Variants in AKAP8 observed in about 807,000 individuals in gnomAD.
AKAP8 encodes A-kinase anchoring protein 8, also known as A-kinase anchor protein 8.
A neutral mutation model predicts 67.5 loss-of-function variants in AKAP8; 24 were observed. The observed-to-expected ratio is 0.36, with a 90% CI of 0.26 to 0.50. The LOEUF is 0.50. Ranked by LOEUF, AKAP8 falls within the 20% of genes least tolerant of loss-of-function variation. The pLI is 0.97. For missense variants in AKAP8, 971 were observed against 955.9 expected, an observed-to-expected ratio of 1.02 and a Z score of -0.21; for synonymous variants, 400 against 371.1, an observed-to-expected ratio of 1.08 and a Z score of -0.90.
intron 9 of AKAP8, among the ~76,000 whole-genome samples, chr19:15,365,391 C>T (rs966897376): frequency 2.0e-5 from 3 of 152,242 alleles, no homozygotes; most frequent in African/African-American, 7.2e-5. Flanking sequence ...AATGCAACCA[C>T]GCTGCATGGC....
chr19:15,358,441 G>A (rs1966913637), intron 13 of AKAP8, among the ~76,000 whole-genome samples: 1 of 151,092 alleles, frequency 6.6e-6, no homozygotes, highest in Admixed American at 6.6e-5. Flanking sequence ...TCTAACTCCT[G>A]AGCTCAGGGA....
intron 9 of AKAP8, among the ~76,000 whole-genome samples, chr19:15,367,420 C>T (rs765053374): frequency 1.3e-5 from 2 of 152,052 alleles, no homozygotes; most frequent in Non-Finnish European, 2.9e-5. Flanking sequence ...CCCAGCTACT[C>T]GGGAGGCTGA....
chr19:15,377,127 G>A (rs1011976688), intron 1 of AKAP8, 113 bp from the exon 2 acceptor site: 3 of 1,232,304 alleles, frequency 2.4e-6, no homozygotes, highest in African/African-American at 3.0e-5. Context: ...TTAGAAGAAG[G>A]AAGACTCCCC....
At chr19:15,358,912 G>C in intron 13 of AKAP8, 55 bp downstream of exon 13, 3 of 1,514,936 alleles carry the variant, frequency 2.0e-6, no homozygotes, top group Non-Finnish European at 2.8e-6. Context: ...CTGCTCCTGG[G>C]GTTCATCTTC....
chr19:15,357,929 C>G (rs941184333), intron 13 of AKAP8, among the ~76,000 whole-genome samples: 1 of 151,864 alleles, frequency 6.6e-6, no homozygotes, highest in African/African-American at 2.4e-5. Context: ...GTGATCCGCC[C>G]ACCCCAGCCT....
chr19:15,355,948 C>A (rs1000143922), intron 13 of AKAP8, among the ~76,000 whole-genome samples: 7 of 152,032 alleles, frequency 4.6e-5, no homozygotes, highest in African/African-American at 1.7e-4. Flanking sequence ...GTTGGGCAGA[C>A]TGGTCTGGAA....
chr19:15,373,867 T>C lies in AKAP8; in HGVS notation c.290A>G (p.Asn97Ser), dbSNP rs755415548. Residue 97 changes from asparagine to serine, a missense_variant, in exon 4 of 14, where the codon AAC (asparagine) becomes AGC (serine). Physicochemically the swap from Asn to Ser is conservative, Grantham distance 46. Around this residue, in one of 3 missense-constraint regions of AKAP8, gnomAD observed 763 missense variants for 745.4 expected, o/e 1.02. Transcript: ENST00000269701. Reference protein sequence around the residue: ...DNSDSLIAKINQRLDMMSKEG... With the variant: ...DNSDSLIAKISQRLDMMSKEG... ...CTTGGACATCATGTCCAAACGCTGG[T>C]TGATCTTGGCAATGAGGGAGTCGGA... 1.9e-6 allele frequency: 3 copies of C among 1,613,012 alleles called. No individual in the cohort carries two copies. The highest frequency in any genetic ancestry group is 1.7e-5 in the Admixed American group (1 of 60,002).
chr19:15,368,761 C>T (rs1181944864), intron 8 of AKAP8: 4 of 985,256 alleles, frequency 4.1e-6, no homozygotes, highest in Non-Finnish European at 4.8e-6. Flanking sequence ...CTCTATCCCA[C>T]CTCTAGGTGG....
intron 9 of AKAP8, among the ~76,000 whole-genome samples, 174 bp downstream of exon 9, chr19:15,368,061 G>A (rs571247678): frequency 1.3e-5 from 2 of 152,348 alleles, no homozygotes; most frequent in South Asian, 2.1e-4. Flanking sequence ...CTGGGAGCAC[G>A]AGTGATGGTC....
intron 6 of AKAP8, 23 bp from the exon 7 acceptor site, chr19:15,372,021 A>G (rs775568993): frequency 6.2e-7 from 1 of 1,613,950 alleles, no homozygotes; most frequent in Admixed American, 1.7e-5. Flanking sequence ...AAGAAAGGAA[A>G]AGTCAGTCCC....
At chr19:15,375,935 G>C (rs1186941237) in intron 2 of AKAP8, among the ~76,000 whole-genome samples, 1 of 151,096 alleles carries the variant, frequency 6.6e-6, no homozygotes, top group Non-Finnish European at 1.5e-5. Flanking sequence ...ACCGTGCCTG[G>C]CCTTTTTTTT....
At chr19:15,355,741 A>AT (rs796116999) in intron 13 of AKAP8, among the ~76,000 whole-genome samples, 1,809 of 142,688 alleles carry the variant, frequency 0.013, 27 homozygotes, top group African/African-American at 0.038. Context: ...CCATTCTGCA[A>AT]TTTTTTTTTT....
Position 15,375,380 on chromosome 19 carries a change from C to T in AKAP8, c.59-745G>A, listed in dbSNP as rs138391360. Among the ~76,000 whole-genome samples the T allele has an allele frequency of 2.1e-4, 32 of 152,278 alleles. No homozygotes were observed. In the East Asian group the frequency reaches 3.9e-3, roughly 18 times the overall value. Reference sequence around the variant, plus strand: ...GAATTTCGGTGCCCATAAATAAGTACCAGCACACTGCCCGTAGCCCTGTGC... The same window carrying T: ...GAATTTCGGTGCCCATAAATAAGTATCAGCACACTGCCCGTAGCCCTGTGC... On this transcript the variant is annotated intron_variant, in intron 2 of 13. Transcript: ENST00000269701.
At chr19:15,361,597 C>T in intron 11 of AKAP8, 132 bp downstream of exon 11, 1 of 706,498 alleles carries the variant, frequency 1.4e-6, no homozygotes, top group South Asian at 1.6e-5. Context: ...CATGATCCGC[C>T]TGCCTCAGCC....
chr19:15,358,613 A>G lies in AKAP8; in HGVS notation c.1623+354T>C, dbSNP rs112326386. 1.4e-4 allele frequency among the ~76,000 whole-genome samples: 21 copies of G among 152,262 alleles called. No homozygotes were observed. In the South Asian group the frequency reaches 3.9e-3, roughly 29 times the overall value. ...CTGTAGCCTCAAATTCCTGGGCTCA[A>G]GCAATCCTCCCATCCCAGCTTCCCG... On this transcript the variant is annotated intron_variant, in intron 13 of 13. Coordinates refer to ENST00000269701, the MANE Select transcript of AKAP8 (RefSeq NM_005858.4).
intron 7 of AKAP8, among the ~76,000 whole-genome samples, chr19:15,371,260 G>A (rs1034224789): frequency 1.3e-5 from 2 of 152,034 alleles, no homozygotes; most frequent in Non-Finnish European, 2.9e-5. Flanking sequence ...CAAGAGCTTG[G>A]GGTGGTCCCG....
chr19:15,368,779 C>G lies in AKAP8; in HGVS notation c.1073-457G>C, dbSNP rs528795457. The G allele has an allele frequency of 3.6e-5, 35 of 985,350 alleles. No individual in the cohort carries two copies. The South Asian group carries it at 1.2e-3, about 33-fold the overall frequency. 61.0% of individuals were successfully genotyped at this position (985,350 alleles called of 1,614,324 possible). The stretch of plus-strand genomic sequence containing the variant: ...TATCCCACCTCTAGGTGGACTGTGA[C>G]GAGCGTCCTGGCGGCCCCGTCTGAA... On this transcript the variant is annotated intron_variant, in intron 8 of 13. Coordinates refer to ENST00000269701, the MANE Select transcript of AKAP8 (RefSeq NM_005858.4).
intron 9 of AKAP8, among the ~76,000 whole-genome samples, chr19:15,366,138 G>GA (rs61522974): frequency 0.72 from 53,111 of 73,340 alleles, 18,887 homozygotes; most frequent in East Asian, 0.98. Context: ...CATACAAGAT[G>GA]AAAAAAAAGC....
intron 9 of AKAP8, among the ~76,000 whole-genome samples, chr19:15,366,099 T>TTA (rs1555754954): frequency 1.4e-3 from 116 of 83,852 alleles, no homozygotes; most frequent in African/African-American, 5.2e-3. Context: ...TTTTTTTTTT[T>TTA]AAAAAAAGTC....
Sources: gnomAD v4.1 joint callset for allele counts (sites outside exome capture counted in the v4.1 genomes callset) on GRCh38, gnomAD v4.1.1 for gene constraint, gnomAD v4.1.1 regional missense constraint, MANE v1.5 for transcripts, NCBI Gene and HGNC (gene_info 2026-07-23, HGNC 2026-07-21) for gene names.